WLS: variants seen among roughly 807,000 people sequenced by gnomAD.
The protein encoded by WLS is protein wntless homolog.
A neutral mutation model predicts 62.8 loss-of-function variants in WLS; 23 were observed. The observed-to-expected ratio is 0.37, with a 90% CI of 0.26 to 0.52. The LOEUF (loss-of-function observed/expected upper bound fraction) is 0.52. Ranked by LOEUF, WLS falls within the 20% of genes least tolerant of loss-of-function variation. WLS has a pLI of 0.92. For synonymous variants in WLS, 246 were observed against 244.1 expected, an observed-to-expected ratio of 1.01 and a Z score of -0.07; for missense variants, 615 against 697.3, an observed-to-expected ratio of 0.88 and a Z score of 1.33.
At position 68,213,432 on chromosome 1, in the gene WLS, C is replaced by T. The variant is rs1036839139; in HGVS notation, c.106+18762G>A. On this transcript the variant is annotated intron_variant, in intron 1 of 11. Transcript: ENST00000262348. ...CGCCATTGCTCTCCAGACTGGGCAA[C>T]AAGAGCGAAACTTCATTCCAAAAAA... Among the ~76,000 whole-genome samples, 7 of 105,202 alleles carry T rather than the reference C, an allele frequency of 6.7e-5. No homozygotes were observed. In the East Asian group the frequency reaches 1.9e-3, roughly 29 times the overall value. The allele number at this position is 105,202 out of a possible 152,430, so 69.0% of individuals were successfully genotyped here.
intron 7 of WLS, 114 bp downstream of exon 7, chr1:68,148,449 T>C: frequency 1.7e-6 from 2 of 1,186,104 alleles, no homozygotes; most frequent in Non-Finnish European, 2.4e-6. Context: ...GTCCAGTGCT[T>C]CCAAACCAAA....
At chr1:68,148,463 T>C in intron 7 of WLS, 100 bp downstream of exon 7, 1 of 1,302,906 alleles carries the variant, frequency 7.7e-7, no homozygotes, top group Non-Finnish European at 1.1e-6. Flanking sequence ...AACCAAAGGT[T>C]CCCGACCACC....
intron 11 of WLS, among the ~76,000 whole-genome samples, chr1:68,119,976 G>A (rs1033926978): frequency 6.6e-6 from 1 of 152,220 alleles, no homozygotes; most frequent in African/African-American, 2.4e-5. Context: ...CCACCTTGGG[G>A]ATCTTAGAGC....
intron 1 of WLS, among the ~76,000 whole-genome samples, chr1:68,225,242 T>C (rs981599515): frequency 2.6e-5 from 4 of 152,162 alleles, no homozygotes; most frequent in African/African-American, 9.7e-5. Flanking sequence ...TTATAAATTA[T>C]ACATCATTAT....
At chr1:68,208,577 T>C (rs1649380631) in intron 1 of WLS, among the ~76,000 whole-genome samples, 1 of 152,232 alleles carries the variant, frequency 6.6e-6, no homozygotes, top group South Asian at 2.1e-4. Context: ...ACAGATTATA[T>C]ATCCCCTTTA....
At chr1:68,224,222 A>G (rs1467839515) in intron 1 of WLS, among the ~76,000 whole-genome samples, 1 of 152,180 alleles carries the variant, frequency 6.6e-6, no homozygotes, top group Non-Finnish European at 1.5e-5. Flanking sequence ...GGAGCAGAAA[A>G]TTAAACTTGA....
At chr1:68,207,965 T>C (rs1649351719) in intron 1 of WLS, among the ~76,000 whole-genome samples, 1 of 152,244 alleles carries the variant, frequency 6.6e-6, no homozygotes, top group South Asian at 2.1e-4. Context: ...CTTCTTGCCC[T>C]GAGGGGTGTG....
chr1:68,107,163 C>T (rs1557443759), intron 11 of WLS, among the ~76,000 whole-genome samples: 1 of 152,072 alleles, frequency 6.6e-6, no homozygotes, highest in Non-Finnish European at 1.5e-5. Flanking sequence ...TTTTAGTCAG[C>T]TCTTTTTAAT....
At chr1:68,160,946 T>TC (rs1646963631) in intron 2 of WLS, among the ~76,000 whole-genome samples, 1 of 152,208 alleles carries the variant, frequency 6.6e-6, no homozygotes. Flanking sequence ...TATCAATGTC[T>TC]AAAAAAGTGG....
chr1:68,220,446 C>T (rs1649895467), intron 1 of WLS, among the ~76,000 whole-genome samples: 1 of 152,184 alleles, frequency 6.6e-6, no homozygotes, highest in East Asian at 1.9e-4. Context: ...ATTTAAATCC[C>T]ACAACCCCCG....
intron 1 of WLS, among the ~76,000 whole-genome samples, chr1:68,222,198 G>A (rs550619133): frequency 6.6e-6 from 1 of 152,274 alleles, no homozygotes; most frequent in Non-Finnish European, 1.5e-5. Flanking sequence ...GATAAGTAAT[G>A]ACTATACTGC....
At chr1:68,162,839 T>G in intron 2 of WLS, 1 of 1,332,522 alleles carries the variant, frequency 7.5e-7, no homozygotes, top group Non-Finnish European at 1.1e-6. Flanking sequence ...GTGAGGATGA[T>G]GGTGTGGTAC....
intron 11 of WLS, among the ~76,000 whole-genome samples, chr1:68,131,699 A>AT (rs982321296): frequency 6.6e-5 from 10 of 152,126 alleles, no homozygotes; most frequent in African/African-American, 1.4e-4. Context: ...CCAAACTCTC[A>AT]AATTCATATA....
At position 68,125,836 on chromosome 1, in the gene WLS, A is replaced by G; in HGVS notation, c.*390T>C. 3.9e-6 allele frequency: 4 copies of G among 1,017,276 alleles called. No individual in the cohort carries two copies. The highest frequency in any genetic ancestry group is 4.7e-6 in the Non-Finnish European group (4 of 849,710). The allele number at this position is 1,017,276 out of a possible 1,614,324, so 63.0% of individuals were successfully genotyped here. Reference sequence around the variant, plus strand: ...CGCAAAGGATGTTAAAATCTATCCTAGAATTTAAAACAGGAAAAATGTCAA... The same window carrying G: ...CGCAAAGGATGTTAAAATCTATCCTGGAATTTAAAACAGGAAAAATGTCAA... On this transcript the variant is annotated 3_prime_UTR_variant, in exon 12 of 12. Transcript: ENST00000262348.
chr1:68,178,853 C>G lies in WLS; in HGVS notation c.379+15102G>C, dbSNP rs752529276. ...CATGTAGTACAAGTCCCAATAATGC[C>G]TATCGAATGAATGAATGAAATTGGG... is the stretch of plus-strand genomic sequence containing the variant. On this transcript the variant is annotated intron_variant, in intron 2 of 11. Coordinates refer to ENST00000262348, the MANE Select transcript of WLS (RefSeq NM_024911.7). Among the ~76,000 whole-genome samples the G allele has an allele frequency of 1.4e-3, 206 of 152,208 alleles. 1 individual carries two copies. The highest frequency in any genetic ancestry group is 2.5e-3 in the Non-Finnish European group (170 of 68,020).
In WLS at chr1:68,213,866, T is replaced by C. The variant is rs183429818; in HGVS notation, c.106+18328A>G. Among the ~76,000 whole-genome samples, 340 of 152,332 alleles carry C rather than the reference T, an allele frequency of 2.2e-3. 4 individuals carry two copies. The highest frequency in any genetic ancestry group is 1.9e-3 in the Non-Finnish European group (126 of 68,030). On this transcript the variant is annotated intron_variant, in intron 1 of 11. Transcript: ENST00000262348. ...GTTCAGAACTTGTAGCAACGTGTGCTGCTCATTGCTTCCTCGGCCTCACAG... is the reference window on the plus strand; with the variant it reads ...GTTCAGAACTTGTAGCAACGTGTGCCGCTCATTGCTTCCTCGGCCTCACAG...
At chr1:68,103,229 G>A (rs985035114) in intron 11 of WLS, among the ~76,000 whole-genome samples, 1 of 152,232 alleles carries the variant, frequency 6.6e-6, no homozygotes, top group African/African-American at 2.4e-5. Context: ...AGGGAAACCA[G>A]TGGGGATATG....
chr1:68,209,265 A>G (rs1649409296), intron 1 of WLS, among the ~76,000 whole-genome samples: 1 of 152,208 alleles, frequency 6.6e-6, no homozygotes, highest in Non-Finnish European at 1.5e-5. Context: ...AGAAAAATTC[A>G]TACTCCATCA....
chr1:68,102,578 G>A (rs1293108401), intron 11 of WLS: 1 of 152,010 alleles, frequency 6.6e-6, no homozygotes, highest in Non-Finnish European at 1.5e-5. Flanking sequence ...CACTTTAAGG[G>A]CTCCTACTCA....
Sources: gnomAD v4.1 joint callset for allele counts (sites outside exome capture counted in the v4.1 genomes callset) on GRCh38, gnomAD v4.1.1 for gene constraint, MANE v1.5 for transcripts, NCBI Gene and HGNC (gene_info 2026-07-23, HGNC 2026-07-21) for gene names.